Variants in KAZN observed in about 807,000 individuals in gnomAD.
The protein encoded by KAZN is kazrin.
In KAZN, 40 loss-of-function variants were observed where a neutral mutation model predicts 87.4. The observed-to-expected ratio is 0.46, with a 90% CI of 0.36 to 0.60. The LOEUF (loss-of-function observed/expected upper bound fraction) is 0.60, where lower values mean the gene tolerates loss of function less well. Ranked by LOEUF, KAZN falls within the 20% of genes least tolerant of loss-of-function variation. The probability of loss-of-function intolerance (pLI) is 0.00; values close to 1 mark genes in which losing one functional copy is unlikely to be tolerated. For missense variants in KAZN, 898 were observed against 1,073.9 expected (o/e 0.84, Z 2.29); for synonymous variants, 466 against 458.3 (o/e 1.02, Z -0.22).
chr1:14,937,543 C>A (rs1165388914), intron 1 of KAZN, among the ~76,000 whole-genome samples: 1 of 152,188 alleles, frequency 6.6e-6, no homozygotes. Context: ...GTAGGAGGAC[C>A]CCTGGATCTA....
At chr1:14,601,757 C>T (rs1449139011) in intron 1 of KAZN, among the ~76,000 whole-genome samples, 1 of 152,088 alleles carries the variant, frequency 6.6e-6, no homozygotes, top group African/African-American at 2.4e-5. Flanking sequence ...TTCAATGGGC[C>T]CAGACCCTAA....
At chr1:13,912,584 G>A (rs990742273) in intron 1 of KAZN, among the ~76,000 whole-genome samples, 1 of 151,958 alleles carries the variant, frequency 6.6e-6, no homozygotes, top group African/African-American at 2.4e-5. Context: ...TTCTATATCT[G>A]TAAAAATGAA....
At chr1:14,628,647 C>G (rs1679324496) in intron 1 of KAZN, among the ~76,000 whole-genome samples, 1 of 152,148 alleles carries the variant, frequency 6.6e-6, no homozygotes, top group Non-Finnish European at 1.5e-5. Flanking sequence ...AATCTATTTT[C>G]ACAAACCTGA....
At chr1:14,111,619 C>T (rs1426445098) in intron 1 of KAZN, among the ~76,000 whole-genome samples, 1 of 134,392 alleles carries the variant, frequency 7.4e-6, no homozygotes, top group Non-Finnish European at 1.6e-5. Flanking sequence ...TGTAAAAGAG[C>T]CTCTGATTCC....
chr1:14,612,548 G>A (rs1677903455), intron 1 of KAZN, among the ~76,000 whole-genome samples: 1 of 152,158 alleles, frequency 6.6e-6, no homozygotes, highest in Non-Finnish European at 1.5e-5. Context: ...AGGTACTGTG[G>A]GACATTCCAG....
chr1:14,426,518 A>G (rs1030810516), intron 2 of KAZN, among the ~76,000 whole-genome samples: 4 of 152,204 alleles, frequency 2.6e-5, no homozygotes, highest in African/African-American at 9.7e-5. Context: ...TGAATGAAAG[A>G]ATGCTGCTCT....
intron 2 of KAZN, among the ~76,000 whole-genome samples, chr1:15,008,940 A>C (rs1306286409): frequency 6.6e-6 from 1 of 152,200 alleles, no homozygotes; most frequent in Non-Finnish European, 1.5e-5. Flanking sequence ...TCCCCCCTGG[A>C]CAATCAGGCA....
intron 2 of KAZN, among the ~76,000 whole-genome samples, chr1:14,381,148 G>GT (rs1467828578): frequency 6.6e-6 from 1 of 152,080 alleles, no homozygotes; most frequent in Non-Finnish European, 1.5e-5. Flanking sequence ...GACAAAAACT[G>GT]TAAGAGTCAA....
At chr1:14,249,096 C>G (rs939527174) in intron 2 of KAZN, among the ~76,000 whole-genome samples, 35 of 152,144 alleles carry the variant, frequency 2.3e-4, no homozygotes, top group Non-Finnish European at 7.3e-5. Context: ...TGCTAAAGCC[C>G]CTGACATAAT....
At chr1:15,109,329 A>G (rs760061703) in intron 13 of KAZN, among the ~76,000 whole-genome samples, 1 of 152,118 alleles carries the variant, frequency 6.6e-6, no homozygotes, top group Non-Finnish European at 1.5e-5. Context: ...AGATTGCACC[A>G]CTGCACTCCA....
chr1:13,962,708 C>T (rs1417900566), intron 1 of KAZN, among the ~76,000 whole-genome samples: 2 of 152,126 alleles, frequency 1.3e-5, no homozygotes, highest in Non-Finnish European at 2.9e-5. Context: ...CAGGAGTGCA[C>T]CACCACGCCT....
At chr1:14,553,765 G>T (rs937058836) in intron 2 of KAZN, among the ~76,000 whole-genome samples, 1 of 152,140 alleles carries the variant, frequency 6.6e-6, no homozygotes. Flanking sequence ...CAACCACCGG[G>T]TGGTTGTCAG....
chr1:14,253,109 C>T (rs1468365770), intron 2 of KAZN, among the ~76,000 whole-genome samples: 1 of 134,018 alleles, frequency 7.5e-6, no homozygotes, highest in Non-Finnish European at 1.6e-5. Context: ...GCTACCTACT[C>T]CAGAAAAAAG....
chr1:14,429,829 G>A (rs1026784614), intron 2 of KAZN, among the ~76,000 whole-genome samples: 2 of 152,156 alleles, frequency 1.3e-5, no homozygotes, highest in African/African-American at 4.8e-5. Flanking sequence ...TGAGGTTTGG[G>A]GAGGTGAACT....
chr1:14,917,366 G>A (rs574908231), intron 1 of KAZN, among the ~76,000 whole-genome samples: 45 of 152,308 alleles, frequency 3.0e-4, no homozygotes, highest in Admixed American at 1.2e-3. Context: ...CAACAAAGGC[G>A]GCCCAGGGGC....
intron 1 of KAZN, among the ~76,000 whole-genome samples, chr1:14,022,859 G>T (rs1640908038): frequency 6.6e-6 from 1 of 152,196 alleles, no homozygotes; most frequent in Non-Finnish European, 1.5e-5. Context: ...GATTAGGGAA[G>T]TGACTGGCCT....
intron 8 of KAZN, among the ~76,000 whole-genome samples, chr1:15,093,800 G>A (rs1421625359): frequency 6.6e-6 from 1 of 152,078 alleles, no homozygotes; most frequent in Non-Finnish European, 1.5e-5. Flanking sequence ...TATGAGGGAG[G>A]TGTGTAGCAG....
chr1:14,512,926 CTCTT>C (rs1414546291), intron 2 of KAZN, among the ~76,000 whole-genome samples: 2 of 152,234 alleles, frequency 1.3e-5, no homozygotes, highest in African/African-American at 2.4e-5. Flanking sequence ...TAGCGTCCCT[CTCTT>C]TCTCGGGTCT....
chr1:14,833,344 G>C (rs1647107552), intron 1 of KAZN, among the ~76,000 whole-genome samples: 1 of 152,202 alleles, frequency 6.6e-6, no homozygotes, highest in Non-Finnish European at 1.5e-5. Flanking sequence ...AAATGTGTGA[G>C]TACTTGACCT....
Sources: gnomAD v4.1 joint callset for allele counts (sites outside exome capture counted in the v4.1 genomes callset) on GRCh38, gnomAD v4.1.1 for gene constraint, MANE v1.5 for transcripts, NCBI Gene and HGNC (gene_info 2026-07-23, HGNC 2026-07-21) for gene names.